The following KCNIP4 variants were observed in gnomAD, a reference collection of about 807,000 sequenced individuals.
The protein encoded by KCNIP4 is potassium voltage-gated channel interacting protein 4, also known as Kv channel-interacting protein 4.
KCNIP4 carries 12 observed loss-of-function variants against 34.0 expected under a neutral mutation model. The observed-to-expected ratio is 0.35, with a 90% confidence interval of 0.23 to 0.57. The LOEUF (loss-of-function observed/expected upper bound fraction) is 0.57. Ranked by LOEUF, KCNIP4 falls within the 20% of genes least tolerant of loss-of-function variation. The probability of loss-of-function intolerance (pLI) is 0.83; values close to 1 mark genes in which losing one functional copy is unlikely to be tolerated. For synonymous variants in KCNIP4, 124 were observed against 102.2 expected (o/e 1.21, Z -1.29); for missense variants, 238 against 311.7 (o/e 0.76, Z 1.78).
chr4:21,561,061 C>T (rs899511512), intron 1 of KCNIP4, among the ~76,000 whole-genome samples: 2 of 151,920 alleles, frequency 1.3e-5, no homozygotes, highest in South Asian at 4.1e-4. Flanking sequence ...TATTAAATTG[C>T]GTGGGGAAAA....
intron 1 of KCNIP4, among the ~76,000 whole-genome samples, chr4:21,808,347 T>C (rs574776320): frequency 1.3e-5 from 2 of 152,258 alleles, no homozygotes; most frequent in African/African-American, 4.8e-5. Context: ...TTCTTCCTCC[T>C]CCTCAGCCTA....
intron 1 of KCNIP4, among the ~76,000 whole-genome samples, chr4:21,038,935 G>A (rs1407906335): frequency 1.3e-5 from 2 of 151,952 alleles, no homozygotes; most frequent in East Asian, 3.9e-4. Flanking sequence ...AGTGAAAAAA[G>A]CATCCTGTGA....
At chr4:21,388,276 G>A (rs147241340) in intron 1 of KCNIP4, among the ~76,000 whole-genome samples, 91 of 149,552 alleles carry the variant, frequency 6.1e-4, no homozygotes, top group African/African-American at 2.1e-3. Context: ...AAATATATAT[G>A]TAATAATAAA....
intron 1 of KCNIP4, among the ~76,000 whole-genome samples, chr4:20,969,556 T>TTGTGTGTG (rs113668496): frequency 1.3e-5 from 2 of 149,596 alleles, no homozygotes; most frequent in Non-Finnish European, 3.0e-5. Flanking sequence ...GCGTGTGTGT[T>TTGTGTGTG]TGTGTGTGTG....
intron 1 of KCNIP4, among the ~76,000 whole-genome samples, chr4:21,058,290 G>A (rs1243641740): frequency 6.6e-6 from 1 of 152,064 alleles, no homozygotes; most frequent in Non-Finnish European, 1.5e-5. Context: ...AAGAGATGCA[G>A]TAGAACAAGA....
chr4:21,229,681 C>T (rs777059805), intron 1 of KCNIP4, among the ~76,000 whole-genome samples: 10 of 152,030 alleles, frequency 6.6e-5, no homozygotes, highest in Non-Finnish European at 1.3e-4. Context: ...ATGCAGATGA[C>T]CATGTGTTCA....
intron 1 of KCNIP4, among the ~76,000 whole-genome samples, chr4:21,271,106 ATCT>A (rs1424650946): frequency 6.6e-6 from 1 of 152,130 alleles, no homozygotes; most frequent in Non-Finnish European, 1.5e-5. Context: ...AAAGAGAAGG[ATCT>A]TGGTCTAACC....
chr4:21,560,717 G>T (rs1196355503), intron 1 of KCNIP4, among the ~76,000 whole-genome samples: 1 of 152,026 alleles, frequency 6.6e-6, no homozygotes, highest in Non-Finnish European at 1.5e-5. Flanking sequence ...ACCATTTGGG[G>T]TTTATTTATT....
rs569245544 is a variant in KCNIP4, at chr4:21,501,715, T to TGTGTGTGTGTGC, written c.61+446855_61+446856insGCACACACACAC. Among the ~76,000 whole-genome samples the TGTGTGTGTGTGC allele has an allele frequency of 1.2e-3, 177 of 150,852 alleles. 3 individuals carry two copies. The highest frequency in any genetic ancestry group is 4.2e-3 in the African/African-American group (171 of 41,016). ...GTGTGTGTGTGTGTGTGTGTGTGTG[T>TGTGTGTGTGTGC]GCGTTGGAAGGGGCAGTTTATATGT... On this transcript the variant is annotated intron_variant, in intron 1 of 8. Coordinates refer to ENST00000382152, the MANE Select transcript of KCNIP4 (RefSeq NM_025221.6).
At chr4:21,631,518 A>C (rs1435867025) in intron 1 of KCNIP4, among the ~76,000 whole-genome samples, 1 of 152,154 alleles carries the variant, frequency 6.6e-6, no homozygotes, top group Non-Finnish European at 1.5e-5. Flanking sequence ...TCCAGTTGGA[A>C]AGGTGGATGG....
chr4:21,644,899 T>A (rs1039536973), intron 1 of KCNIP4, among the ~76,000 whole-genome samples: 4 of 152,174 alleles, frequency 2.6e-5, no homozygotes, highest in African/African-American at 9.7e-5. Context: ...GAATTCATTT[T>A]TCTAAGAATC....
chr4:20,906,209 C>A (rs1317123827), intron 1 of KCNIP4, among the ~76,000 whole-genome samples: 5 of 152,164 alleles, frequency 3.3e-5, no homozygotes, highest in East Asian at 1.9e-4. Flanking sequence ...TGGGGCAAAT[C>A]ACTATCAGCT....
chr4:21,019,744 A>G (rs1428312891), intron 1 of KCNIP4, among the ~76,000 whole-genome samples: 1 of 152,146 alleles, frequency 6.6e-6, no homozygotes, highest in Non-Finnish European at 1.5e-5. Context: ...AATCCTCCCA[A>G]TTTACTAAAA....
intron 1 of KCNIP4, among the ~76,000 whole-genome samples, chr4:21,557,090 C>G (rs142325506): frequency 3.7e-4 from 56 of 152,118 alleles, no homozygotes; most frequent in African/African-American, 9.4e-4. Context: ...TGCATATCTT[C>G]CAGTAGTGGG....
chr4:21,364,276 T>C (rs1480348875), intron 1 of KCNIP4, among the ~76,000 whole-genome samples: 5 of 152,142 alleles, frequency 3.3e-5, no homozygotes, highest in Non-Finnish European at 7.4e-5. Flanking sequence ...AAACCATATA[T>C]TTATTGAGCA....
At chr4:21,117,314 G>A (rs59872714) in intron 1 of KCNIP4, among the ~76,000 whole-genome samples, 3 of 127,770 alleles carry the variant, frequency 2.3e-5, no homozygotes, top group Non-Finnish European at 5.1e-5. Context: ...GGGGGGGGGG[G>A]GGGGGCGCTG....
At chr4:21,498,987 T>C (rs965065595) in intron 1 of KCNIP4, among the ~76,000 whole-genome samples, 4 of 152,166 alleles carry the variant, frequency 2.6e-5, no homozygotes, top group Admixed American at 2.0e-4. Flanking sequence ...ACTGATTTTC[T>C]TTGCTATTTA....
chr4:20,734,330 G>C (rs574017771), intron 6 of KCNIP4, among the ~76,000 whole-genome samples: 56 of 152,028 alleles, frequency 3.7e-4, no homozygotes, highest in Non-Finnish European at 7.4e-4. Flanking sequence ...TTGAAACATG[G>C]GTTGGATACA....
intron 1 of KCNIP4, among the ~76,000 whole-genome samples, chr4:21,297,355 C>A (rs1194311397): frequency 6.6e-6 from 1 of 151,994 alleles, no homozygotes; most frequent in Non-Finnish European, 1.5e-5. Context: ...ATGGCTAAGT[C>A]CCTCAGCCTG....
Sources: allele counts gnomAD v4.1 joint callset (sites outside exome capture counted in the v4.1 genomes callset), GRCh38; gene constraint gnomAD v4.1.1; transcripts MANE v1.5; gene names NCBI Gene and HGNC (gene_info 2026-07-23, HGNC 2026-07-21).